The following NOVA2 variants were observed in gnomAD, a reference collection of about 807,000 sequenced individuals.
NOVA2 encodes NOVA alternative splicing regulator 2, also known as RNA-binding protein Nova-2.
NOVA2 carries 9 observed loss-of-function variants against 22.5 expected under a neutral mutation model. The observed-to-expected ratio is 0.40, with a 90% confidence interval of 0.24 to 0.70. The LOEUF is 0.70. Among genes scored for constraint, NOVA2 ranks in the 30% least tolerant of loss-of-function variants. NOVA2 has a pLI of 0.38. For missense variants in NOVA2, 383 were observed against 682.8 expected (o/e 0.56, Z 4.89); for synonymous variants, 318 against 335.2 (o/e 0.95, Z 0.56).
intron 3 of NOVA2, among the ~76,000 whole-genome samples, chr19:45,951,848 G>T (rs1388397216): frequency 1.3e-5 from 2 of 151,994 alleles, no homozygotes; most frequent in African/African-American, 4.8e-5. Context: ...AAAGTCAGTT[G>T]ATCTAAAAAA....
chr19:45,943,734 C>A lies in NOVA2; in HGVS notation c.397-2789G>T, dbSNP rs187118498. ...CCCTGACTCAAAAAAAAAAAAAAGT[C>A]TCTGAGCCCAGAACCCAACTGACAC... On this transcript the variant is annotated intron_variant, in intron 3 of 3. Transcript: ENST00000263257. Among the ~76,000 whole-genome samples, 152 of 151,012 alleles carry A rather than the reference C, an allele frequency of 1.0e-3. 1 individual carries two copies. The highest frequency in any genetic ancestry group is 3.6e-3 in the African/African-American group (148 of 41,082).
Position 45,940,423 on chromosome 19 carries a change from C to G in NOVA2, c.919G>C (p.Gly307Arg), listed in dbSNP as rs1967732108. ...GLGLNSAAASGVLAAVAAGAN... is the reference protein window; with the variant it reads ...GLGLNSAAASRVLAAVAAGAN... Reference sequence around the variant, plus strand: ...CCGGCGGCCACGGCGGCCAGGACGCCGGAAGCTGCGGCCGAGTTGAGGCCC... The same window carrying G: ...CCGGCGGCCACGGCGGCCAGGACGCGGGAAGCTGCGGCCGAGTTGAGGCCC... The change falls in exon 4 of 4, where the codon GGC (glycine) becomes CGC (arginine). Residue 307 changes from glycine (G) to arginine (R), a missense_variant. Around this residue, in one of 2 missense-constraint regions of NOVA2, gnomAD observed 349 missense variants for 578.1 expected, o/e 0.60. Coordinates refer to ENST00000263257, the MANE Select transcript of NOVA2 (RefSeq NM_002516.4). 1 of 1,489,648 alleles carries G rather than the reference C, an allele frequency of 6.7e-7. No homozygotes were observed. Among genetic ancestry groups the G allele is most frequent in the Non-Finnish European group, 8.9e-7 (1 of 1,117,756 alleles). The allele number at this position is 1,489,648 out of a possible 1,614,324, so 92.3% of individuals were successfully genotyped here. A position where few individuals can be genotyped will look rare whatever the true frequency, so the allele number is the denominator to read the frequency against.
intron 2 of NOVA2, among the ~76,000 whole-genome samples, chr19:45,956,249 G>A (rs1216156862): frequency 1.3e-5 from 2 of 152,144 alleles, no homozygotes; most frequent in Admixed American, 1.3e-4. Flanking sequence ...TGGGAACTGG[G>A]GGGCGGGGTA....
chr19:45,962,841 T>A (rs1600616761), intron 1 of NOVA2, among the ~76,000 whole-genome samples: 1 of 151,576 alleles, frequency 6.6e-6, no homozygotes, highest in South Asian at 2.1e-4. Flanking sequence ...AGAGACGGGG[T>A]TTCGCCATGT....
chr19:45,957,080 T>C (rs1968015871), intron 2 of NOVA2, among the ~76,000 whole-genome samples: 1 of 152,204 alleles, frequency 6.6e-6, no homozygotes, highest in Non-Finnish European at 1.5e-5. Flanking sequence ...GTATGCACGT[T>C]GATAGAGGTA....
chr19:45,966,802 G>C (rs912545844), intron 1 of NOVA2, among the ~76,000 whole-genome samples: 3 of 152,080 alleles, frequency 2.0e-5, no homozygotes, highest in Non-Finnish European at 2.9e-5. Context: ...GCTTGAACCC[G>C]GGAGGCGGAG....
intron 2 of NOVA2, among the ~76,000 whole-genome samples, chr19:45,957,328 C>G (rs1353740090): frequency 6.6e-6 from 1 of 151,928 alleles, no homozygotes; most frequent in African/African-American, 2.4e-5. Context: ...CACCTGAGGT[C>G]TGGAGTCCGA....
At chr19:45,960,903 T>C (rs1321982998) in intron 2 of NOVA2, 107 bp downstream of exon 2, 2 of 1,201,016 alleles carry the variant, frequency 1.7e-6, no homozygotes, top group South Asian at 1.6e-5. Context: ...TCCCCACCAC[T>C]GTCACTGTCC....
At chr19:45,971,028 G>T (rs1354308681) in intron 1 of NOVA2, among the ~76,000 whole-genome samples, 1 of 152,158 alleles carries the variant, frequency 6.6e-6, no homozygotes, top group Admixed American at 6.5e-5. Context: ...AGGCAGCCTA[G>T]GGTTGGGTAA....
chr19:45,937,538 G>T lies in NOVA2; in HGVS notation c.*2325C>A, dbSNP rs529663317. 6.6e-6 allele frequency: 1 copy of T among 152,134 alleles called. No homozygotes were observed. Among genetic ancestry groups the T allele is most frequent in the Non-Finnish European group, 1.5e-5 (1 of 68,054 alleles). 9.4% of individuals were successfully genotyped at this position (152,134 alleles called of 1,614,324 possible). On this transcript the variant is annotated 3_prime_UTR_variant, in exon 4 of 4. Transcript: ENST00000263257. ...GAGGGGAGCAATGGCCCACAGAGCC[G>T]CCCCCACCTCTAACCCCAAGAGCCC...
rs544242669 is a variant in NOVA2, at chr19:45,935,276, C to T, written c.*4587G>A. On this transcript the variant is annotated 3_prime_UTR_variant, in exon 4 of 4. Coordinates refer to ENST00000263257, the MANE Select transcript of NOVA2 (RefSeq NM_002516.4). ...CACAGATTCTCTTCCCATTTCCCTC[C>T]CTGCCACCCAGCAATCTCCAATGCA... is the stretch of plus-strand genomic sequence containing the variant. 9 of 152,930 alleles carry T rather than the reference C, an allele frequency of 5.9e-5. No individual in the cohort carries two copies. The East Asian group carries it at 1.5e-3, about 26-fold the overall frequency. 9.5% of individuals were successfully genotyped at this position (152,930 alleles called of 1,614,324 possible). A position where few individuals can be genotyped will look rare whatever the true frequency, so the allele number is the denominator to read the frequency against.
At chr19:45,966,079 A>G (rs770414183) in intron 1 of NOVA2, among the ~76,000 whole-genome samples, 2 of 152,066 alleles carry the variant, frequency 1.3e-5, no homozygotes, top group Non-Finnish European at 2.9e-5. Context: ...TACTTTGTTA[A>G]TCACCCATTT....
At chr19:45,943,873 C>T (rs747042676) in intron 3 of NOVA2, among the ~76,000 whole-genome samples, 1 of 152,144 alleles carries the variant, frequency 6.6e-6, no homozygotes. Flanking sequence ...GTATTGTTTG[C>T]ATGGTTTTAA....
chr19:45,953,210 C>G (rs1260849475), intron 3 of NOVA2, among the ~76,000 whole-genome samples: 1 of 152,226 alleles, frequency 6.6e-6, no homozygotes, highest in Non-Finnish European at 1.5e-5. Flanking sequence ...CGCCCCTATG[C>G]CACTGCTTCC....
At chr19:45,958,658 CATGTGAGA>C (rs1200153224) in intron 2 of NOVA2, among the ~76,000 whole-genome samples, 1 of 151,396 alleles carries the variant, frequency 6.6e-6, no homozygotes, top group Non-Finnish European at 1.5e-5. Context: ...TGTGAGTGTG[CATGTGAGA>C]GTGTGAGTGT....
At position 45,939,316 on chromosome 19, in the gene NOVA2, G is replaced by C. The variant is rs1035968745; in HGVS notation, c.*547C>G. 1 of 152,164 alleles carries C rather than the reference G, an allele frequency of 6.6e-6. No individual in the cohort carries two copies. The highest frequency in any genetic ancestry group is 1.5e-5 in the Non-Finnish European group (1 of 68,152). 9.4% of individuals were successfully genotyped at this position (152,164 alleles called of 1,614,324 possible). On this transcript the variant is annotated 3_prime_UTR_variant, in exon 4 of 4. Transcript: ENST00000263257. The stretch of plus-strand genomic sequence containing the variant: ...CCAAATGCCCCATTTCAGCTCAGAC[G>C]CCTCTGCTACCTCTACTCCCATGGC...
chr19:45,946,648 C>T (rs923015281), intron 3 of NOVA2, among the ~76,000 whole-genome samples: 3 of 151,756 alleles, frequency 2.0e-5, no homozygotes, highest in South Asian at 2.1e-4. Flanking sequence ...CCAAGGCGGG[C>T]GGATCACGAG....
chr19:45,940,771 T>G lies in NOVA2; in HGVS notation c.571A>C (p.Lys191Gln), dbSNP rs755644759. ...TVSGEPEQVH[K>Q]AVSAIVQKVQ... ...TTCTGCACGATGGCGCTCACGGCCT[T>G]GTGCACCTGCTCGGGCTCGCCGCTG... The change falls in exon 4 of 4, where the codon AAG becomes CAG. Residue 191 changes from lysine (K) to glutamine (Q), a missense_variant. Lys to Gln is a moderately conservative substitution (Grantham distance 53). Coordinates refer to ENST00000263257, the MANE Select transcript of NOVA2 (RefSeq NM_002516.4). The G allele has an allele frequency of 1.2e-6, 2 of 1,608,802 alleles. No homozygotes were observed. Among genetic ancestry groups the G allele is most frequent in the Non-Finnish European group, 1.7e-6 (2 of 1,179,916 alleles).
intron 2 of NOVA2, 130 bp downstream of exon 2, chr19:45,960,875 GGGGAA>G: frequency 1.1e-6 from 1 of 901,242 alleles, no homozygotes; most frequent in Non-Finnish European, 1.6e-6. Context: ...TGTCCCCTTA[GGGGAA>G]GGGGAGGCCC....
Sources: gnomAD v4.1 joint callset for allele counts (sites outside exome capture counted in the v4.1 genomes callset) on GRCh38, gnomAD v4.1.1 for gene constraint, gnomAD v4.1.1 regional missense constraint, MANE v1.5 for transcripts, NCBI Gene and HGNC (gene_info 2026-07-23, HGNC 2026-07-21) for gene names.